The following PHLDB2 variants were observed in gnomAD, a reference collection of about 807,000 sequenced individuals.
The protein encoded by PHLDB2 is pleckstrin homology-like domain family B member 2.
PHLDB2 carries 71 observed loss-of-function variants against 123.6 expected under a neutral mutation model. That is an observed-to-expected ratio of 0.57 (90% CI 0.47 to 0.70). PHLDB2 has a LOEUF of 0.70. Ranked by LOEUF, PHLDB2 falls within the 30% of genes least tolerant of loss-of-function variation. The pLI is 0.00. For synonymous variants in PHLDB2, 547 were observed against 541.6 expected (o/e 1.01, Z -0.14); for missense variants, 1,446 against 1,519.5 (o/e 0.95, Z 0.80).
chr3:111,910,189 A>G (rs2067804016), intron 2 of PHLDB2, among the ~76,000 whole-genome samples: 1 of 152,222 alleles, frequency 6.6e-6, no homozygotes, highest in Admixed American at 6.5e-5. Flanking sequence ...TTCTTTACGT[A>G]TACTTTCTAA....
intron 1 of PHLDB2, among the ~76,000 whole-genome samples, chr3:111,797,348 GACACACAC>G (rs138506437): frequency 2.0e-5 from 3 of 151,836 alleles, no homozygotes; most frequent in African/African-American, 7.3e-5. Context: ...TATTTAGGCA[GACACACAC>G]ACACACATAC....
chr3:111,794,237 C>T (rs1429421887), intron 1 of PHLDB2, among the ~76,000 whole-genome samples: 2 of 148,806 alleles, frequency 1.3e-5, no homozygotes, highest in Admixed American at 6.6e-5. Flanking sequence ...GGACACTTGC[C>T]GATTTCTGCC....
chr3:111,814,643 A>G (rs75658371), intron 1 of PHLDB2, among the ~76,000 whole-genome samples: 2 of 146,190 alleles, frequency 1.4e-5, no homozygotes. Flanking sequence ...AAAAAAAAAA[A>G]GCAGAGAGGT....
In PHLDB2 at chr3:111,975,940, C is replaced by T. The variant is rs983235320; in HGVS notation, c.*1377C>T. 3 of 152,576 alleles carry T rather than the reference C, an allele frequency of 2.0e-5. No homozygotes were observed. Among genetic ancestry groups the T allele is most frequent in the Non-Finnish European group, 4.4e-5 (3 of 68,030 alleles). The allele number at this position is 152,576 out of a possible 1,614,324, so 9.5% of individuals were successfully genotyped here. On this transcript the variant is annotated 3_prime_UTR_variant, in exon 18 of 18. Transcript: ENST00000431670. ...GCAGTGTGGTTTGTATACACGTATA[C>T]GTGTTATCAATAATAAGATTTTGCA...
chr3:111,971,946 A>C (rs977032510), intron 16 of PHLDB2, among the ~76,000 whole-genome samples: 2 of 152,228 alleles, frequency 1.3e-5, no homozygotes, highest in African/African-American at 2.4e-5. Flanking sequence ...TGATGGCATA[A>C]TACTGAGAGA....
intron 1 of PHLDB2, among the ~76,000 whole-genome samples, chr3:111,734,224 T>C (rs892582530): frequency 6.6e-6 from 1 of 152,186 alleles, no homozygotes; most frequent in African/African-American, 2.4e-5. Flanking sequence ...CAGAGGATGT[T>C]CATAGATAAT....
At chr3:111,910,414 A>C (rs1486498998) in intron 2 of PHLDB2, among the ~76,000 whole-genome samples, 2 of 152,194 alleles carry the variant, frequency 1.3e-5, no homozygotes, top group African/African-American at 4.8e-5. Flanking sequence ...CTAGATTCCT[A>C]GTTTGGAAAG....
intron 6 of PHLDB2, among the ~76,000 whole-genome samples, chr3:111,935,362 G>A (rs958143640): frequency 3.3e-5 from 5 of 151,980 alleles, no homozygotes; most frequent in African/African-American, 1.2e-4. Flanking sequence ...ACTGTCACTG[G>A]CTATAAAATT....
chr3:111,808,855 C>G (rs1320041250), intron 1 of PHLDB2, among the ~76,000 whole-genome samples: 1 of 152,124 alleles, frequency 6.6e-6, no homozygotes, highest in Non-Finnish European at 1.5e-5. Context: ...ATTCTCATAA[C>G]TAATATAATA....
rs147356345 is a variant in PHLDB2, at chr3:111,872,254, G to A, written c.-14-11810G>A. 5.7e-3 allele frequency among the ~76,000 whole-genome samples: 867 copies of A among 152,304 alleles called. 10 individuals are homozygous for A. The highest frequency in any genetic ancestry group is 0.019 in the African/African-American group (806 of 41,568). On this transcript the variant is annotated intron_variant, in intron 1 of 17. Transcript: ENST00000431670. ...TGTTTTCTTTCCACAGTAACATAAT[G>A]CAGGGATCATATAGTTTCACTGGGA... is the stretch of plus-strand genomic sequence containing the variant.
At chr3:111,870,623 G>T (rs1238085799) in intron 1 of PHLDB2, among the ~76,000 whole-genome samples, 1 of 151,986 alleles carries the variant, frequency 6.6e-6, no homozygotes, top group Non-Finnish European at 1.5e-5. Context: ...GTTTCAGGTT[G>T]AACTAGATTT....
Position 111,785,991 on chromosome 3 carries a change from T to C in PHLDB2, c.-49+53288T>C, listed in dbSNP as rs2060664942. Among the ~76,000 whole-genome samples, 7 of 152,152 alleles carry C rather than the reference T, an allele frequency of 4.6e-5. No individual in the cohort carries two copies. The South Asian group carries it at 1.2e-3, about 27-fold the overall frequency. ...GTTCTAGATATTGGCATTTGGCACA[T>C]TAAAATTTATAGCAAATCTTACTTA... On this transcript the variant is annotated intron_variant, in intron 1 of 17. Transcript: ENST00000393923.
chr3:111,895,857 A>ATCTATCTATCTATCT (rs1553746616), intron 2 of PHLDB2, among the ~76,000 whole-genome samples: 1 of 95,988 alleles, frequency 1.0e-5, no homozygotes, highest in African/African-American at 3.2e-5. Flanking sequence ...AAAAAAAAAA[A>ATCTATCTATCTATCT]ATCTATCTAT....
At position 111,906,266 on chromosome 3, in the gene PHLDB2, C is replaced by T. The variant is rs181778717; in HGVS notation, c.1336-7053C>T. Among the ~76,000 whole-genome samples, 8 of 152,288 alleles carry T rather than the reference C, an allele frequency of 5.3e-5. No individual in the cohort carries two copies. In the East Asian group the frequency reaches 1.5e-3, roughly 29 times the overall value. On this transcript the variant is annotated intron_variant, in intron 2 of 17. Transcript: ENST00000431670. Reference sequence around the variant, plus strand: ...AACCTTGCATTTCTTAGAACATATCCCCATTGTTAAGCAACACATAACTGT... The same window carrying T: ...AACCTTGCATTTCTTAGAACATATCTCCATTGTTAAGCAACACATAACTGT...
intron 6 of PHLDB2, among the ~76,000 whole-genome samples, chr3:111,939,126 T>C (rs1249654243): frequency 6.6e-6 from 1 of 152,214 alleles, no homozygotes; most frequent in Non-Finnish European, 1.5e-5. Flanking sequence ...AGAATTTTCT[T>C]GTAACGCTAT....
intron 1 of PHLDB2, among the ~76,000 whole-genome samples, chr3:111,834,589 A>C (rs1053051420): frequency 4.6e-5 from 7 of 151,828 alleles, no homozygotes; most frequent in Admixed American, 6.6e-5. Context: ...GGATGCAGTA[A>C]ATATCTCTGA....
Position 111,947,618 on chromosome 3 carries a change from C to A in PHLDB2, c.2488-1314C>A, listed in dbSNP as rs908681249. Reference sequence around the variant, plus strand: ...AATTAAAACTTGGCTTCAAAACAGTCGACTATTAACTGAGCAAAAGAAAAA... The same window carrying A: ...AATTAAAACTTGGCTTCAAAACAGTAGACTATTAACTGAGCAAAAGAAAAA... On this transcript the variant is annotated intron_variant, in intron 9 of 17. Coordinates refer to ENST00000431670, the MANE Select transcript of PHLDB2 (RefSeq NM_001134438.2). Among the ~76,000 whole-genome samples the A allele has an allele frequency of 2.0e-5, 3 of 152,228 alleles. No individual in the cohort carries two copies. The South Asian group carries it at 6.2e-4, about 32-fold the overall frequency.
At chr3:111,942,208 C>A (rs2069943103) in intron 8 of PHLDB2, among the ~76,000 whole-genome samples, 1 of 152,080 alleles carries the variant, frequency 6.6e-6, no homozygotes, top group Non-Finnish European at 1.5e-5. Context: ...ATATAAGATA[C>A]AATTAGATTG....
intron 1 of PHLDB2, among the ~76,000 whole-genome samples, chr3:111,837,126 G>A (rs1483964314): frequency 6.6e-6 from 1 of 152,138 alleles, no homozygotes; most frequent in Admixed American, 6.6e-5. Flanking sequence ...ACCTCAGAGG[G>A]CTGTGTATTA....
Sources: allele counts gnomAD v4.1 joint callset (sites outside exome capture counted in the v4.1 genomes callset), GRCh38; gene constraint gnomAD v4.1.1; transcripts MANE v1.5; gene names NCBI Gene and HGNC (gene_info 2026-07-23, HGNC 2026-07-21).